The following SLC7A6 variants were observed in gnomAD, a reference collection of about 807,000 sequenced individuals.
SLC7A6 encodes the protein Y+L amino acid transporter 2.
A neutral mutation model predicts 46.6 loss-of-function variants in SLC7A6; 29 were observed. That is an observed-to-expected ratio of 0.62 (90% CI 0.46 to 0.85). The LOEUF is 0.85. SLC7A6 is among the 40% of genes least tolerant of loss of function. SLC7A6 has a pLI of 0.00. For missense variants in SLC7A6, 527 were observed against 647.6 expected (o/e 0.81, Z 2.02); for synonymous variants, 276 against 257.3 (o/e 1.07, Z -0.70).
At chr16:68,267,682 T>TA (rs1177608470) in intron 2 of SLC7A6, among the ~76,000 whole-genome samples, 1 of 152,224 alleles carries the variant, frequency 6.6e-6, no homozygotes, top group Non-Finnish European at 1.5e-5. Flanking sequence ...CTAAAATACT[T>TA]AGAAAGATCA....
chr16:68,280,531 G>C (rs770354094), intron 3 of SLC7A6, among the ~76,000 whole-genome samples: 1 of 151,954 alleles, frequency 6.6e-6, no homozygotes, highest in Non-Finnish European at 1.5e-5. Flanking sequence ...AGGCATCATT[G>C]GACCCAAATT....
Position 68,300,982 on chromosome 16 carries a change from C to G in SLC7A6, c.*3654C>G. The G allele has an allele frequency of 9.6e-7, 1 of 1,041,826 alleles. No homozygotes were observed. Among genetic ancestry groups the G allele is most frequent in the Non-Finnish European group, 1.2e-6 (1 of 867,176 alleles). The allele number at this position is 1,041,826 out of a possible 1,614,324, so 64.5% of individuals were successfully genotyped here. On this transcript the variant is annotated 3_prime_UTR_variant, in exon 11 of 11. Coordinates refer to ENST00000219343, the MANE Select transcript of SLC7A6 (RefSeq NM_003983.6). ...CAGAACCTGAATGCCAGGAAAAATTCCTGGGCCAAGAAGCTAAAGCTAAAG... is the reference window on the plus strand; with the variant it reads ...CAGAACCTGAATGCCAGGAAAAATTGCTGGGCCAAGAAGCTAAAGCTAAAG...
rs571654600 is a variant in SLC7A6 at position 68,294,807 on chromosome 16, C to T, written c.1119+6C>T. The T allele has an allele frequency of 8.1e-5, 130 of 1,605,448 alleles. No individual in the cohort carries two copies. In the Middle Eastern group the frequency reaches 8.2e-4, roughly 10 times the overall value. ...TCCCTGCTTTACTGTTCAATGTAAG[C>T]TTTGCTGGGACCACGGGGCTCAGGT... On this transcript the variant is annotated splice_donor_region_variant and intron_variant, in intron 8 of 10. Transcript: ENST00000219343.
rs2043052777 is a variant in SLC7A6, at chr16:68,291,680, A to G, written c.1022+19A>G. 6.2e-7 allele frequency: 1 copy of G among 1,602,646 alleles called. No individual in the cohort carries two copies. On this transcript the variant is annotated intron_variant, in intron 7 of 10. Coordinates refer to ENST00000219343, the MANE Select transcript of SLC7A6 (RefSeq NM_003983.6). The stretch of plus-strand genomic sequence containing the variant: ...CATCAAGGTACTGTGTCTCTGTGTC[A>G]CTGATAATAGACCACAATATTTCAT...
In SLC7A6 at chr16:68,291,243, A is replaced by C; in HGVS notation, c.829A>C (p.Ile277Leu). Residue 277 changes from isoleucine (I) to leucine (L), a missense_variant, in exon 6 of 11, where the codon ATT becomes CTT. By Grantham distance (5) the Ile-to-Leu change is conservative (BLOSUM62 2). Coordinates refer to ENST00000219343, the MANE Select transcript of SLC7A6 (RefSeq NM_003983.6). ...CTTGGCCATTGGGATTTCTATGCCA[A>C]TTGTGACGCTCATCTACATCCTGAC... ...LPLAIGISMP[I>L]VTLIYILTNV... is the part of the protein sequence containing the mutation. 1 of 1,614,208 alleles carries C rather than the reference A, an allele frequency of 6.2e-7. No individual in the cohort carries two copies. The highest frequency in any genetic ancestry group is 8.5e-7 in the Non-Finnish European group (1 of 1,180,028).
chr16:68,301,649 C>T lies in SLC7A6; in HGVS notation c.*4321C>T, dbSNP rs2043278418. On this transcript the variant is annotated 3_prime_UTR_variant, in exon 11 of 11. Transcript: ENST00000219343. ...CTCCCCTCCGTGGAGTATTTTGTCACTTCTCCCCTCCGTATAGGATTTTTT... is the reference window on the plus strand; with the variant it reads ...CTCCCCTCCGTGGAGTATTTTGTCATTTCTCCCCTCCGTATAGGATTTTTT... 3.0e-6 allele frequency: 1 copy of T among 330,462 alleles called. No individual in the cohort carries two copies. The highest frequency in any genetic ancestry group is 5.5e-6 in the Non-Finnish European group (1 of 182,614). 20.5% of individuals were successfully genotyped at this position (330,462 alleles called of 1,614,324 possible).
Position 68,279,090 on chromosome 16 carries a change from C to G in SLC7A6, c.523+3841C>G, listed in dbSNP as rs377383290. On this transcript the variant is annotated intron_variant, in intron 3 of 10. Coordinates refer to ENST00000219343, the MANE Select transcript of SLC7A6 (RefSeq NM_003983.6). ...GCTCATGGCTTTTGTAATTCCAGCA[C>G]TTTGGGAGGCTGAGGAGGGAGGATC... Among the ~76,000 whole-genome samples, 3 of 151,790 alleles carry G rather than the reference C, an allele frequency of 2.0e-5. 1 individual carries two copies. The highest frequency in any genetic ancestry group is 1.9e-4 in the East Asian group (1 of 5,184).
chr16:68,297,622 G>A lies in SLC7A6; in HGVS notation c.*294G>A. On this transcript the variant is annotated 3_prime_UTR_variant, in exon 11 of 11. Transcript: ENST00000219343. ...CTCTTACAGATATTTACTTGGTAAA[G>A]TGCAGTGGGGAAGAGGGAATGCTAG... is the stretch of plus-strand genomic sequence containing the variant. 1 of 285,940 alleles carries A rather than the reference G, an allele frequency of 3.5e-6. No homozygotes were observed. Among genetic ancestry groups the A allele is most frequent in the East Asian group, 7.6e-5 (1 of 13,170 alleles). The allele number at this position is 285,940 out of a possible 1,614,324, so 17.7% of individuals were successfully genotyped here. A position where few individuals can be genotyped will look rare whatever the true frequency, so the allele number is the denominator to read the frequency against.
intron 3 of SLC7A6, among the ~76,000 whole-genome samples, chr16:68,282,232 C>T (rs1480884689): frequency 6.6e-6 from 1 of 152,016 alleles, no homozygotes; most frequent in East Asian, 1.9e-4. Context: ...ATATATAGTT[C>T]GAATGCTTTC....
rs759518613 is a variant in SLC7A6, at chr16:68,274,815, C to T, written c.89C>T (p.Ser30Leu). The T allele has an allele frequency of 5.4e-5, 87 of 1,614,076 alleles. No individual in the cohort carries two copies. The highest frequency in any genetic ancestry group is 3.3e-4 in the East Asian group (15 of 44,894). Reference protein sequence around the residue: ...SQSQVEEDVSSPPQRSSETMQ... With the variant: ...SQSQVEEDVSLPPQRSSETMQ... ...TCCCAGGTGGAAGAAGATGTCAGCT[C>T]GCCACCTCAAAGGTCCTCCGAAACT... Residue 30 changes from serine to leucine, a missense_variant, in exon 3 of 11, where the codon TCG (serine) becomes TTG (leucine). Physicochemically the swap from Ser to Leu is moderately radical, Grantham distance 145. Coordinates refer to ENST00000219343, the MANE Select transcript of SLC7A6 (RefSeq NM_003983.6).
intron 3 of SLC7A6, among the ~76,000 whole-genome samples, chr16:68,280,897 C>A (rs764713356): frequency 2.6e-5 from 4 of 152,168 alleles, no homozygotes; most frequent in Non-Finnish European, 5.9e-5. Flanking sequence ...CCACGCCTGG[C>A]TAATTTTTTG....
chr16:68,300,541 G>T lies in SLC7A6; in HGVS notation c.*3213G>T. On this transcript the variant is annotated 3_prime_UTR_variant, in exon 11 of 11. Transcript: ENST00000219343. ...TAAGTCCTTGGTATTTATAATCAAT[G>T]CTGAACCTTCTATTTCACTACCGCT... is the stretch of plus-strand genomic sequence containing the variant. 2.3e-6 allele frequency: 2 copies of T among 874,170 alleles called. No individual in the cohort carries two copies. Among genetic ancestry groups the T allele is most frequent in the Non-Finnish European group, 2.7e-6 (2 of 728,564 alleles). The allele number at this position is 874,170 out of a possible 1,614,324, so 54.2% of individuals were successfully genotyped here.
chr16:68,269,913 G>A (rs1016596175), intron 2 of SLC7A6, among the ~76,000 whole-genome samples: 7 of 152,102 alleles, frequency 4.6e-5, no homozygotes, highest in Admixed American at 6.6e-5. Flanking sequence ...GGCTATAGGC[G>A]TGTGCCATCA....
At position 68,297,991 on chromosome 16, in the gene SLC7A6, T is replaced by G. The variant is rs1178167199; in HGVS notation, c.*663T>G. 6.6e-6 allele frequency: 1 copy of G among 152,660 alleles called. No individual in the cohort carries two copies. The highest frequency in any genetic ancestry group is 1.9e-4 in the East Asian group (1 of 5,198). The allele number at this position is 152,660 out of a possible 1,614,324, so 9.5% of individuals were successfully genotyped here. On this transcript the variant is annotated 3_prime_UTR_variant, in exon 11 of 11. Transcript: ENST00000219343. The stretch of plus-strand genomic sequence containing the variant: ...TGGGTCAGACTCTGACCACAGGTTT[T>G]ATGCTGTTTAGCACAATTTCTATTG...
chr16:68,289,056 C>T (rs1198088382), intron 4 of SLC7A6, among the ~76,000 whole-genome samples: 2 of 150,782 alleles, frequency 1.3e-5, no homozygotes, highest in Non-Finnish European at 2.9e-5. Context: ...GGCCGGGAGG[C>T]TGAGGCAGAT....
chr16:68,295,997 T>C (rs2043156627), intron 8 of SLC7A6, among the ~76,000 whole-genome samples: 1 of 152,100 alleles, frequency 6.6e-6, no homozygotes, highest in South Asian at 2.1e-4. Context: ...TTTCCCCCAT[T>C]TGTATGCCAG....
At chr16:68,265,633 G>A (rs1002667612) in intron 1 of SLC7A6, 1 of 152,054 alleles carries the variant, frequency 6.6e-6, no homozygotes, top group Admixed American at 6.6e-5. Context: ...TCTTTTTGGT[G>A]GCGGTGAGGC....
rs924219385 is a variant in SLC7A6, at chr16:68,274,619, G to A, written c.-36-72G>A. ...CATGCTGTCCCTAAATAGGAAGTGG[G>A]CAGGGAAATCTGGTCTAAATAGAGC... On this transcript the variant is annotated intron_variant, in intron 2 of 10. Transcript: ENST00000219343. The A allele has an allele frequency of 3.3e-5, 43 of 1,310,712 alleles. 1 individual carries two copies. In the Admixed American group the frequency reaches 7.9e-4, roughly 24 times the overall value. 81.2% of individuals were successfully genotyped at this position (1,310,712 alleles called of 1,614,324 possible).
intron 8 of SLC7A6, among the ~76,000 whole-genome samples, chr16:68,296,056 T>C (rs1373443476): frequency 6.6e-6 from 1 of 152,076 alleles, no homozygotes; most frequent in Non-Finnish European, 1.5e-5. Flanking sequence ...GTGTAATCCA[T>C]GTTAAGGTTG....
Sources: gnomAD v4.1 joint callset for allele counts (sites outside exome capture counted in the v4.1 genomes callset) on GRCh38, gnomAD v4.1.1 for gene constraint, MANE v1.5 for transcripts, NCBI Gene and HGNC (gene_info 2026-07-23, HGNC 2026-07-21) for gene names.